The following TTLL5 variants were observed in gnomAD, a reference collection of about 807,000 sequenced individuals.
The protein encoded by TTLL5 is tubulin tyrosine ligase like 5.
TTLL5 carries 132 observed loss-of-function variants against 168.4 expected under a neutral mutation model. That is an observed-to-expected ratio of 0.78 (90% CI 0.68 to 0.91). The LOEUF (loss-of-function observed/expected upper bound fraction) is 0.91. Ranked by LOEUF, TTLL5 falls within the 40% of genes least tolerant of loss-of-function variation. The pLI is 0.00. For missense variants in TTLL5, 1,545 were observed against 1,581.5 expected, an observed-to-expected ratio of 0.98 and a Z score of 0.39; for synonymous variants, 546 against 558.6, an observed-to-expected ratio of 0.98 and a Z score of 0.32.
At chr14:75,835,823 T>C (rs1243992623) in intron 28 of TTLL5, among the ~76,000 whole-genome samples, 4 of 152,100 alleles carry the variant, frequency 2.6e-5, no homozygotes, top group Non-Finnish European at 5.9e-5. Flanking sequence ...ATCAGAGAAA[T>C]GCAAATCAAA....
At chr14:75,839,234 G>T (rs914585935) in intron 28 of TTLL5, 3 of 152,290 alleles carry the variant, frequency 2.0e-5, no homozygotes, top group African/African-American at 7.2e-5. Context: ...TGCCATTTGA[G>T]ATTTTGTCTT....
At chr14:75,910,494 C>G (rs2033330761) in intron 31 of TTLL5, among the ~76,000 whole-genome samples, 1 of 152,232 alleles carries the variant, frequency 6.6e-6, no homozygotes, top group South Asian at 2.1e-4. Context: ...GATCTGTTCA[C>G]TGTGGTTATC....
At chr14:75,893,182 TCA>T (rs2032485542) in intron 30 of TTLL5, among the ~76,000 whole-genome samples, 2 of 152,022 alleles carry the variant, frequency 1.3e-5, no homozygotes, top group South Asian at 4.1e-4. Context: ...GATAGGAGTA[TCA>T]CAAAAAAGAC....
intron 28 of TTLL5, among the ~76,000 whole-genome samples, chr14:75,840,635 G>A (rs1343966919): frequency 6.6e-6 from 1 of 152,114 alleles, no homozygotes; most frequent in African/African-American, 2.4e-5. Flanking sequence ...CTCAAAGGCT[G>A]GTTCCCACAA....
At chr14:75,902,984 G>C (rs2032991372) in intron 31 of TTLL5, among the ~76,000 whole-genome samples, 1 of 152,176 alleles carries the variant, frequency 6.6e-6, no homozygotes, top group Non-Finnish European at 1.5e-5. Context: ...GGGTATTATT[G>C]CATGCCTGAG....
At chr14:75,766,456 A>G in intron 20 of TTLL5, 88 bp downstream of exon 20, 1 of 1,202,798 alleles carries the variant, frequency 8.3e-7, no homozygotes. Flanking sequence ...TTTTACAGTC[A>G]TTTTTCATTT....
chr14:75,869,120 G>A (rs2030802031), intron 29 of TTLL5, among the ~76,000 whole-genome samples: 3 of 150,436 alleles, frequency 2.0e-5, no homozygotes, highest in South Asian at 4.2e-4. Flanking sequence ...TTGCTTCGTT[G>A]TTTTTTTGTT....
At chr14:75,816,837 T>A (rs1894440825) in intron 27 of TTLL5, among the ~76,000 whole-genome samples, 1 of 151,838 alleles carries the variant, frequency 6.6e-6, no homozygotes, top group Non-Finnish European at 1.5e-5. Flanking sequence ...AGTTCAGGAG[T>A]ACAGGGAGTC....
chr14:75,692,100 G>T (rs1264073347), intron 6 of TTLL5, among the ~76,000 whole-genome samples: 1 of 152,190 alleles, frequency 6.6e-6, no homozygotes, highest in Admixed American at 6.5e-5. Flanking sequence ...TGTGACTTTA[G>T]CCAAGTTACT....
intron 31 of TTLL5, among the ~76,000 whole-genome samples, chr14:75,905,830 C>T (rs1313758888): frequency 6.6e-6 from 1 of 152,174 alleles, no homozygotes; most frequent in Non-Finnish European, 1.5e-5. Flanking sequence ...TCATCCCTGC[C>T]CCTTAGCTTC....
In TTLL5 at chr14:75,794,566, A is replaced by G. The variant is rs142765920; in HGVS notation, c.3171+1466A>G. Among the ~76,000 whole-genome samples the G allele has an allele frequency of 2.0e-5, 3 of 152,336 alleles. No homozygotes were observed. The East Asian group carries it at 5.8e-4, about 29-fold the overall frequency. ...AAGATCCTAATCCTGTAGGAATCCA[A>G]GGTGACTGTATCCTGATTGGGAAGT... On this transcript the variant is annotated intron_variant, in intron 27 of 31. Transcript: ENST00000298832.
chr14:75,757,513 A>G (rs1445052038), intron 18 of TTLL5, among the ~76,000 whole-genome samples: 2 of 152,222 alleles, frequency 1.3e-5, no homozygotes, highest in African/African-American at 2.4e-5. Context: ...CGAATTAACA[A>G]CCTTCTTCAC....
chr14:75,741,295 A>G (rs1266676616), intron 15 of TTLL5, among the ~76,000 whole-genome samples: 5 of 152,222 alleles, frequency 3.3e-5, no homozygotes, highest in African/African-American at 7.2e-5. Flanking sequence ...AGCACTGGAT[A>G]TCTAAATCAT....
At chr14:75,877,248 G>A (rs992875669) in intron 29 of TTLL5, among the ~76,000 whole-genome samples, 1 of 152,108 alleles carries the variant, frequency 6.6e-6, no homozygotes, top group African/African-American at 2.4e-5. Context: ...CTGAGTGAAG[G>A]CTAAAAGGAG....
At chr14:75,703,668 T>G (rs1886441680) in intron 7 of TTLL5, among the ~76,000 whole-genome samples, 4 of 152,250 alleles carry the variant, frequency 2.6e-5, no homozygotes. Flanking sequence ...AAATACAGTA[T>G]TGATACATTC....
intron 31 of TTLL5, among the ~76,000 whole-genome samples, chr14:75,924,741 C>G (rs963670971): frequency 1.1e-4 from 16 of 152,028 alleles, no homozygotes; most frequent in Non-Finnish European, 2.4e-4. Context: ...TCCTTCCCCC[C>G]TTTCTATTCC....
At chr14:75,782,667 G>T in intron 25 of TTLL5, 94 bp downstream of exon 25, 1 of 1,002,832 alleles carries the variant, frequency 1.0e-6, no homozygotes, top group East Asian at 2.7e-5. Context: ...TCTAAAGCAT[G>T]GAACATTACC....
intron 27 of TTLL5, among the ~76,000 whole-genome samples, chr14:75,801,379 A>G (rs1566610190): frequency 2.0e-5 from 3 of 152,172 alleles, no homozygotes; most frequent in Non-Finnish European, 4.4e-5. Flanking sequence ...GGTGCATAAG[A>G]TATTTTGATA....
At position 75,775,723 on chromosome 14, in the gene TTLL5, CTCT is replaced by C. The variant is rs373430881; in HGVS notation, c.2283+100_2283+102del. 8.1e-4 allele frequency: 1,179 copies of C among 1,463,778 alleles called. 9 individuals carry two copies. The African/African-American group carries it at 0.013, about 17-fold the overall frequency. 90.7% of individuals were successfully genotyped at this position (1,463,778 alleles called of 1,614,324 possible). ...GCCTCTGTCCAACTGGATGGAGACA[CTCT>C]TCTTCTGTTCTCTGGCATCACCATC... On this transcript the variant is annotated intron_variant, in intron 22 of 31. Transcript: ENST00000298832.
Sources: gnomAD v4.1 joint callset for allele counts (sites outside exome capture counted in the v4.1 genomes callset) on GRCh38, gnomAD v4.1.1 for gene constraint, MANE v1.5 for transcripts, NCBI Gene and HGNC (gene_info 2026-07-23, HGNC 2026-07-21) for gene names.